Variants in CASK observed in about 807,000 individuals in gnomAD.
CASK encodes the protein calcium/calmodulin dependent serine protein kinase.
Under a neutral mutation model 82.9 loss-of-function variants are expected in CASK, and 4 were observed. The ratio of observed to expected loss-of-function variants is 0.05; its 90% CI spans 0.02 to 0.11. The LOEUF is 0.11. Ranked by LOEUF, CASK falls within the 10% of genes least tolerant of loss-of-function variation. CASK has a pLI of 1.00. For missense variants in CASK, 358 were observed against 720.9 expected (o/e 0.50, Z 5.76); for synonymous variants, 259 against 253.5 (o/e 1.02, Z -0.20).
At chrX:41,806,723 A>C (rs2070132019) in intron 2 of CASK, among the ~76,000 whole-genome samples, 1 of 112,321 alleles carries the variant, frequency 8.9e-6, no homozygotes, top group Non-Finnish European at 1.9e-5. Context: ...TAATAAAACA[A>C]GAAGATGTAG....
intron 5 of CASK, among the ~76,000 whole-genome samples, chrX:41,723,028 T>C (rs2068194603): frequency 8.9e-6 from 1 of 111,971 alleles, no homozygotes; most frequent in Non-Finnish European, 1.9e-5. Context: ...TGTTCTTAAG[T>C]AAATGGTGGC....
intron 5 of CASK, among the ~76,000 whole-genome samples, chrX:41,714,492 T>C (rs769397671): frequency 4.7e-4 from 53 of 112,110 alleles, no homozygotes; most frequent in Non-Finnish European, 7.9e-4. Context: ...AAAACACCCT[T>C]GTAGCAATAT....
At chrX:41,671,069 A>G in intron 6 of CASK, among the ~76,000 whole-genome samples, 1 of 111,538 alleles carries the variant, frequency 9.0e-6, no homozygotes, top group Admixed American at 9.5e-5. Context: ...ATTAGCCATC[A>G]GTGTAAACCA....
intron 9 of CASK, among the ~76,000 whole-genome samples, chrX:41,633,555 C>T (rs1400581475): frequency 7.4e-5 from 8 of 108,792 alleles, no homozygotes; most frequent in Non-Finnish European, 1.5e-4. Context: ...GTGCTCAGAA[C>T]GATGTAGTTT....
intron 1 of CASK, among the ~76,000 whole-genome samples, chrX:41,901,609 C>G (rs1367062811): frequency 1.8e-5 from 2 of 111,670 alleles, no homozygotes. Flanking sequence ...GGCAGGGGGG[C>G]TTGCTGCTGG....
intron 21 of CASK, 42 bp downstream of exon 21, chrX:41,553,677 G>T: frequency 1.9e-6 from 2 of 1,040,533 alleles, no homozygotes; most frequent in Non-Finnish European, 2.7e-6. Context: ...TCAGGGCTTT[G>T]TTTTTATAAC....
At chrX:41,659,086 T>G (rs945158701) in intron 8 of CASK, among the ~76,000 whole-genome samples, 9 of 111,112 alleles carry the variant, frequency 8.1e-5, no homozygotes, top group African/African-American at 3.0e-4. Context: ...GAGAGAACTC[T>G]GATGATGCAG....
chrX:41,898,727 T>C (rs764683113), intron 1 of CASK, among the ~76,000 whole-genome samples: 1 of 112,076 alleles, frequency 8.9e-6, no homozygotes, highest in Admixed American at 9.5e-5. Context: ...ACTTTCCACA[T>C]ATTTAGGAAT....
intron 1 of CASK, among the ~76,000 whole-genome samples, chrX:41,910,153 C>T (rs889134015): frequency 2.7e-5 from 3 of 109,685 alleles, no homozygotes; most frequent in African/African-American, 9.9e-5. Flanking sequence ...ACCCAGGAGG[C>T]GGAGGTTGCA....
chrX:41,796,929 C>T (rs747710193), intron 2 of CASK, among the ~76,000 whole-genome samples: 2 of 111,761 alleles, frequency 1.8e-5, no homozygotes, highest in African/African-American at 6.5e-5. Context: ...AAAGTGTCAT[C>T]ATAGTTTTAC....
intron 3 of CASK, chrX:41,786,827 G>A (rs776117913): frequency 4.9e-6 from 1 of 203,175 alleles, no homozygotes; most frequent in East Asian, 1.2e-4. Flanking sequence ...TAGTTGCCAA[G>A]AGTCTTGCTA....
intron 2 of CASK, among the ~76,000 whole-genome samples, chrX:41,819,709 C>T: frequency 9.0e-6 from 1 of 111,460 alleles, no homozygotes; most frequent in Middle Eastern, 4.6e-3. Flanking sequence ...AGTATTTTTA[C>T]CACATGGGTA....
chrX:41,573,261 A>T, intron 15 of CASK, among the ~76,000 whole-genome samples: 1 of 99,714 alleles, frequency 1.0e-5, no homozygotes, highest in African/African-American at 3.7e-5. Context: ...TCTCTTTGTC[A>T]TAGGTTCTAA....
intron 3 of CASK, among the ~76,000 whole-genome samples, chrX:41,781,124 G>A (rs756885096): frequency 1.1e-4 from 12 of 110,845 alleles, no homozygotes; most frequent in Non-Finnish European, 2.3e-4. Flanking sequence ...AAATTTTTTC[G>A]TAGAGATGAG....
At position 41,517,709 on chromosome X, in the gene CASK, GC is replaced by G. The variant is rs1371899275; in HGVS notation, c.*2710del. The G allele has an allele frequency of 4.7e-4, 253 of 537,316 alleles. 4 individuals are homozygous for G. In the East Asian group the frequency reaches 9.4e-3, roughly 20 times the overall value. The allele number at this position is 537,316 out of a possible 1,213,427, so 44.3% of individuals were successfully genotyped here. On this transcript the variant is annotated 3_prime_UTR_variant, in exon 27 of 27. Transcript: ENST00000378163. ...AAAAGGTTCTGCTGATGGAATGGAA[GC>G]AGTAAAGAAGCTTTTAGCAATTTTC...
intron 1 of CASK, among the ~76,000 whole-genome samples, chrX:41,903,017 G>T (rs947334531): frequency 2.4e-4 from 27 of 112,041 alleles, no homozygotes; most frequent in Non-Finnish European, 3.9e-4. Context: ...GGAGCCAAGG[G>T]CCTGGACTAG....
chrX:41,808,350 T>C (rs1420493591), intron 2 of CASK, among the ~76,000 whole-genome samples: 1 of 111,725 alleles, frequency 9.0e-6, no homozygotes, highest in Non-Finnish European at 1.9e-5. Context: ...GTCACTTAAC[T>C]GTTTTCAAGC....
intron 3 of CASK, among the ~76,000 whole-genome samples, chrX:41,757,984 T>C (rs1351833811): frequency 8.9e-6 from 1 of 112,688 alleles, no homozygotes; most frequent in Non-Finnish European, 1.9e-5. Flanking sequence ...ATAATCTTTT[T>C]CACCCTTTCC....
At chrX:41,770,417 T>C (rs1038527657) in intron 3 of CASK, among the ~76,000 whole-genome samples, 6 of 110,344 alleles carry the variant, frequency 5.4e-5, no homozygotes, top group African/African-American at 2.0e-4. Flanking sequence ...TGGCTATCTA[T>C]CTATTTTTTG....
Sources: gnomAD v4.1 joint callset for allele counts (sites outside exome capture counted in the v4.1 genomes callset) on GRCh38, gnomAD v4.1.1 for gene constraint, MANE v1.5 for transcripts, NCBI Gene and HGNC (gene_info 2026-07-23, HGNC 2026-07-21) for gene names.